The following GPR158 variants were observed in gnomAD, a reference collection of about 807,000 sequenced individuals.
The protein encoded by GPR158 is metabotropic glycine receptor.
A neutral mutation model predicts 78.2 loss-of-function variants in GPR158; 30 were observed. That is an observed-to-expected ratio of 0.38 (90% confidence interval 0.29 to 0.52). The LOEUF is 0.52. GPR158 is among the 20% of genes least tolerant of loss of function. GPR158 has a pLI of 0.83. For missense variants in GPR158, 1,463 were observed against 1,523.5 expected (o/e 0.96, Z 0.66); for synonymous variants, 581 against 591.1 (o/e 0.98, Z 0.25).
At chr10:25,546,492 A>G (rs1054250321) in intron 5 of GPR158, among the ~76,000 whole-genome samples, 2 of 152,220 alleles carry the variant, frequency 1.3e-5, no homozygotes, top group African/African-American at 2.4e-5. Context: ...GCCTCAACAA[A>G]TAACAGGTTG....
chr10:25,388,823 G>T (rs1247977434), intron 2 of GPR158, among the ~76,000 whole-genome samples: 4 of 152,348 alleles, frequency 2.6e-5, no homozygotes. Flanking sequence ...GCCCACACAG[G>T]CTTGGAGGTG....
chr10:25,267,101 G>C (rs963562120), intron 2 of GPR158, among the ~76,000 whole-genome samples: 3 of 152,022 alleles, frequency 2.0e-5, no homozygotes, highest in Admixed American at 1.3e-4. Context: ...CTCTTTTCCA[G>C]ATCATATTAT....
intron 6 of GPR158, among the ~76,000 whole-genome samples, chr10:25,556,371 C>T (rs1462233381): frequency 6.6e-6 from 1 of 152,218 alleles, no homozygotes; most frequent in Non-Finnish European, 1.5e-5. Context: ...TTTCCCACCT[C>T]AGCCAAAATA....
intron 5 of GPR158, among the ~76,000 whole-genome samples, chr10:25,524,159 TC>T (rs1836320344): frequency 6.6e-6 from 1 of 152,166 alleles, no homozygotes; most frequent in South Asian, 2.1e-4. Context: ...TAAAAGGCGT[TC>T]AAGAACTACA....
intron 2 of GPR158, among the ~76,000 whole-genome samples, chr10:25,368,855 G>A (rs1480583549): frequency 3.5e-5 from 5 of 144,828 alleles, no homozygotes; most frequent in Non-Finnish European, 7.6e-5. Flanking sequence ...TTGAGCAGTG[G>A]TTTGTAGTTC....
chr10:25,453,645 G>A (rs1040854938), intron 4 of GPR158, among the ~76,000 whole-genome samples: 3 of 152,082 alleles, frequency 2.0e-5, no homozygotes, highest in Non-Finnish European at 4.4e-5. Flanking sequence ...TCTTCTGTTT[G>A]TGCATATCTC....
intron 5 of GPR158, among the ~76,000 whole-genome samples, chr10:25,550,400 T>C (rs1453115535): frequency 6.6e-6 from 1 of 152,096 alleles, no homozygotes; most frequent in African/African-American, 2.4e-5. Context: ...GTAGACTGTT[T>C]GCAAGATGCA....
At chr10:25,189,226 C>T (rs1383526622) in intron 1 of GPR158, among the ~76,000 whole-genome samples, 1 of 152,148 alleles carries the variant, frequency 6.6e-6, no homozygotes, top group Non-Finnish European at 1.5e-5. Flanking sequence ...GATAGTGTGG[C>T]AATTCCTCAA....
intron 4 of GPR158, among the ~76,000 whole-genome samples, chr10:25,460,646 T>G (rs1321275452): frequency 6.6e-6 from 1 of 152,198 alleles, no homozygotes; most frequent in Non-Finnish European, 1.5e-5. Context: ...TCTACCCTTT[T>G]CTCTGGAAAC....
At chr10:25,309,412 T>G (rs1466493400) in intron 2 of GPR158, among the ~76,000 whole-genome samples, 2 of 152,200 alleles carry the variant, frequency 1.3e-5, no homozygotes, top group Non-Finnish European at 2.9e-5. Context: ...TTTTTTTCCA[T>G]TGTTATTGAG....
intron 1 of GPR158, among the ~76,000 whole-genome samples, chr10:25,209,802 T>C (rs12258880): frequency 0.04 from 6,123 of 152,282 alleles, 432 homozygotes; most frequent in African/African-American, 0.14. Flanking sequence ...TTATATTTGC[T>C]AAGTAAGCAG....
intron 4 of GPR158, among the ~76,000 whole-genome samples, chr10:25,429,085 A>G (rs962484524): frequency 2.6e-5 from 4 of 152,066 alleles, no homozygotes; most frequent in African/African-American, 7.2e-5. Context: ...GTTTCTACAG[A>G]GGATGAAATA....
chr10:25,377,408 T>A (rs148809040), intron 2 of GPR158, among the ~76,000 whole-genome samples: 3 of 152,176 alleles, frequency 2.0e-5, no homozygotes, highest in African/African-American at 7.2e-5. Context: ...TACTATAAAA[T>A]TTACCTTTCT....
chr10:25,502,174 A>G (rs1367320292), intron 5 of GPR158, among the ~76,000 whole-genome samples: 1 of 152,090 alleles, frequency 6.6e-6, no homozygotes, highest in African/African-American at 2.4e-5. Context: ...GACTATTTTA[A>G]GCTTCCCCTG....
chr10:25,422,238 C>T (rs930825812), intron 4 of GPR158, among the ~76,000 whole-genome samples: 4 of 152,036 alleles, frequency 2.6e-5, no homozygotes, highest in Non-Finnish European at 4.4e-5. Context: ...ACTTTTTGTC[C>T]TTTATAGCAG....
At chr10:25,339,285 C>T (rs977262021) in intron 2 of GPR158, among the ~76,000 whole-genome samples, 1 of 151,972 alleles carries the variant, frequency 6.6e-6, no homozygotes, top group African/African-American at 2.4e-5. Flanking sequence ...CCAGGCCTAG[C>T]TATTTCTAAA....
chr10:25,463,395 CTGGA>C (rs10532888), intron 4 of GPR158, among the ~76,000 whole-genome samples: 62,272 of 149,472 alleles, frequency 0.42, 13,080 homozygotes, highest in Middle Eastern at 0.48. Flanking sequence ...TGAGGTTTGT[CTGGA>C]TGGATGGATG....
chr10:25,455,417 T>C (rs1291335575), intron 4 of GPR158, among the ~76,000 whole-genome samples: 1 of 151,978 alleles, frequency 6.6e-6, no homozygotes, highest in East Asian at 1.9e-4. Context: ...CGTTTGGTTT[T>C]ATAACATTGC....
At chr10:25,572,029 T>TA (rs1483205855) in intron 6 of GPR158, among the ~76,000 whole-genome samples, 1 of 152,192 alleles carries the variant, frequency 6.6e-6, no homozygotes, top group Non-Finnish European at 1.5e-5. Flanking sequence ...CATTCTACTA[T>TA]AAAAACAACT....
Sources: gnomAD v4.1 joint callset for allele counts (sites outside exome capture counted in the v4.1 genomes callset) on GRCh38, gnomAD v4.1.1 for gene constraint, MANE v1.5 for transcripts, NCBI Gene and HGNC (gene_info 2026-07-23, HGNC 2026-07-21) for gene names.